The following GRAMD2B variants were observed in gnomAD, a reference collection of about 807,000 sequenced individuals.
The protein encoded by GRAMD2B is GRAM domain containing 2B, also known as GRAM domain-containing protein 2B.
GRAMD2B carries 41 observed loss-of-function variants against 59.2 expected under a neutral mutation model. That is an observed-to-expected ratio of 0.69 (90% confidence interval 0.54 to 0.90). The LOEUF (loss-of-function observed/expected upper bound fraction) is 0.90, where lower values mean the gene tolerates loss of function less well. Ranked by LOEUF, GRAMD2B falls within the 40% of genes least tolerant of loss-of-function variation. The pLI is 0.00. For synonymous variants in GRAMD2B, 161 were observed against 182.7 expected, an observed-to-expected ratio of 0.88 and a Z score of 0.96; for missense variants, 424 against 500.5, an observed-to-expected ratio of 0.85 and a Z score of 1.46.
chr5:126,465,566 C>G, intron 2 of GRAMD2B, 21 bp downstream of exon 2: 1 of 1,606,678 alleles, frequency 6.2e-7, no homozygotes, highest in Non-Finnish European at 8.5e-7. Context: ...CGTTGACTCT[C>G]TTTGTTCTCT....
At chr5:126,384,121 C>T (rs1473470635) in intron 1 of GRAMD2B, among the ~76,000 whole-genome samples, 1 of 152,104 alleles carries the variant, frequency 6.6e-6, no homozygotes, top group African/African-American at 2.4e-5. Context: ...TTTACTAAAG[C>T]AGAATCTTCA....
intron 1 of GRAMD2B, among the ~76,000 whole-genome samples, chr5:126,375,373 T>TG: frequency 6.6e-6 from 1 of 152,018 alleles, no homozygotes; most frequent in East Asian, 1.9e-4. Flanking sequence ...GAAATCTTTT[T>TG]GTTTTTTTTT....
At chr5:126,458,579 G>A (rs940376117) in intron 1 of GRAMD2B, among the ~76,000 whole-genome samples, 1 of 152,126 alleles carries the variant, frequency 6.6e-6, no homozygotes, top group African/African-American at 2.4e-5. Flanking sequence ...GAAGGATGAG[G>A]ATTTACTCTG....
chr5:126,379,095 T>A (rs1401573904), intron 1 of GRAMD2B, among the ~76,000 whole-genome samples: 1 of 151,726 alleles, frequency 6.6e-6, no homozygotes, highest in African/African-American at 2.4e-5. Context: ...GTCCATTGTA[T>A]CATTCTTAAG....
chr5:126,408,903 T>C (rs957053743), intron 1 of GRAMD2B, among the ~76,000 whole-genome samples: 10 of 141,564 alleles, frequency 7.1e-5, no homozygotes, highest in East Asian at 2.2e-4. Flanking sequence ...TGTGTTCTCA[T>C]TGTTCAATTC....
At chr5:126,410,823 G>A (rs1449322385) in intron 1 of GRAMD2B, among the ~76,000 whole-genome samples, 1 of 151,956 alleles carries the variant, frequency 6.6e-6, no homozygotes, top group East Asian at 1.9e-4. Context: ...GTATGATACG[G>A]TATCTTCTTG....
chr5:126,481,991 A>C (rs1193328205), intron 8 of GRAMD2B, among the ~76,000 whole-genome samples: 3 of 149,494 alleles, frequency 2.0e-5, no homozygotes, highest in African/African-American at 7.4e-5. Context: ...AAAAAAGGGG[A>C]GATGAAGTAC....
intron 1 of GRAMD2B, among the ~76,000 whole-genome samples, chr5:126,444,752 T>C (rs1207045573): frequency 1.3e-5 from 2 of 152,198 alleles, no homozygotes; most frequent in Non-Finnish European, 2.9e-5. Flanking sequence ...GTTTGTTACA[T>C]AGGTAGACGG....
chr5:126,455,543 G>T (rs958294420), intron 1 of GRAMD2B, among the ~76,000 whole-genome samples: 5 of 152,006 alleles, frequency 3.3e-5, no homozygotes, highest in Non-Finnish European at 2.9e-5. Context: ...ACTCCAAATT[G>T]TATGTATCCA....
intron 1 of GRAMD2B, among the ~76,000 whole-genome samples, chr5:126,430,438 T>C (rs911251290): frequency 1.3e-5 from 2 of 152,210 alleles, no homozygotes; most frequent in Non-Finnish European, 2.9e-5. Flanking sequence ...TACCAAGTGA[T>C]GCACCATCAC....
intron 1 of GRAMD2B, among the ~76,000 whole-genome samples, chr5:126,436,290 C>T (rs1762390391): frequency 6.6e-6 from 1 of 151,996 alleles, no homozygotes. Flanking sequence ...TTTTTGAGGA[C>T]CTACTATTTT....
intron 8 of GRAMD2B, among the ~76,000 whole-genome samples, chr5:126,482,847 G>A (rs1772146139): frequency 6.6e-6 from 1 of 152,012 alleles, no homozygotes; most frequent in African/African-American, 2.4e-5. Flanking sequence ...AGCACTTTGG[G>A]GAACCAGTAG....
rs754732585 is a variant in GRAMD2B, at chr5:126,484,479, G to C, written c.925G>C (p.Val309Leu). Residue 309 changes from valine to leucine, a missense_variant, in exon 10 of 14, where the codon GTG becomes CTG. Val to Leu is a conservative substitution (Grantham distance 32, BLOSUM62 1). Transcript: ENST00000285689. ...EAKPTRADAH[V>L]NRVPEGKAKS... ...AAAGCCAACTCGGGCAGATGCCCAT[G>C]TGAACAGAGTACCTGAAGGAAAAGC... 13 of 1,614,046 alleles carry C rather than the reference G, an allele frequency of 8.1e-6. No individual in the cohort carries two copies. The highest frequency in any genetic ancestry group is 1.1e-5 in the Non-Finnish European group (13 of 1,180,018).
At chr5:126,476,968 A>G (rs1440252390) in intron 5 of GRAMD2B, among the ~76,000 whole-genome samples, 2 of 152,204 alleles carry the variant, frequency 1.3e-5, no homozygotes, top group African/African-American at 4.8e-5. Context: ...ATAGCTTACA[A>G]GGGGGAGTAG....
intron 2 of GRAMD2B, among the ~76,000 whole-genome samples, chr5:126,468,996 A>G (rs1335160061): frequency 6.6e-6 from 1 of 152,228 alleles, no homozygotes; most frequent in African/African-American, 2.4e-5. Context: ...AATACTTGTT[A>G]TATATTAGTG....
intron 11 of GRAMD2B, 28 bp downstream of exon 11, chr5:126,485,801 C>T: frequency 6.7e-6 from 9 of 1,347,076 alleles, no homozygotes; most frequent in Non-Finnish European, 9.5e-6. Context: ...CTGTGAGTGA[C>T]TAAGAAAATG....
intron 1 of GRAMD2B, among the ~76,000 whole-genome samples, chr5:126,391,415 T>C (rs1756771493): frequency 1.3e-5 from 2 of 150,680 alleles, no homozygotes; most frequent in Admixed American, 6.7e-5. Flanking sequence ...ATAATGCTTG[T>C]ACATGGATAT....
intron 1 of GRAMD2B, among the ~76,000 whole-genome samples, chr5:126,398,606 C>A (rs1048604408): frequency 3.3e-5 from 5 of 151,924 alleles, no homozygotes; most frequent in South Asian, 2.1e-4. Flanking sequence ...TACATTGACT[C>A]TAATCTTTAT....
chr5:126,385,915 G>T (rs1319412499), intron 1 of GRAMD2B, among the ~76,000 whole-genome samples: 2 of 152,146 alleles, frequency 1.3e-5, no homozygotes, highest in African/African-American at 4.8e-5. Flanking sequence ...AATAGCATTT[G>T]CTATTCTCTG....
Sources: gnomAD v4.1 joint callset for allele counts (sites outside exome capture counted in the v4.1 genomes callset) on GRCh38, gnomAD v4.1.1 for gene constraint, MANE v1.5 for transcripts, NCBI Gene and HGNC (gene_info 2026-07-23, HGNC 2026-07-21) for gene names.